MACROH2A1: variants seen among roughly 807,000 people sequenced by gnomAD.
MACROH2A1 encodes core histone macro-H2A.1.
Under a neutral mutation model 31.6 loss-of-function variants are expected in MACROH2A1, and 2 were observed. That is an observed-to-expected ratio of 0.06 (90% CI 0.03 to 0.20). The LOEUF (loss-of-function observed/expected upper bound fraction) is 0.20. Ranked by LOEUF, MACROH2A1 falls within the 10% of genes least tolerant of loss-of-function variation. The pLI is 1.00. For missense variants in MACROH2A1, 230 were observed against 474.0 expected, an observed-to-expected ratio of 0.49 and a Z score of 4.78; for synonymous variants, 169 against 189.6, an observed-to-expected ratio of 0.89 and a Z score of 0.89.
chr5:135,377,846 T>C lies in MACROH2A1; in HGVS notation c.173-7704A>G, dbSNP rs912885365. Among the ~76,000 whole-genome samples the C allele has an allele frequency of 3.9e-5, 6 of 152,336 alleles. No individual in the cohort carries two copies. The East Asian group carries it at 1.2e-3, about 29-fold the overall frequency. ...AGACACTCTGTCCCAGCCTGCTTAA[T>C]CCTGCTTCTCCCAAAAAATGGTTCT... On this transcript the variant is annotated intron_variant, in intron 2 of 8. Coordinates refer to ENST00000511689, the MANE Select transcript of MACROH2A1 (RefSeq NM_138610.3).
intron 5 of MACROH2A1, chr5:135,359,231 AC>A: frequency 1.0e-6 from 1 of 985,254 alleles, no homozygotes; most frequent in Non-Finnish European, 1.2e-6. Context: ...GGAGAAGGTG[AC>A]CCCAAGGGCT....
chr5:135,375,438 A>G (rs1764733322), intron 2 of MACROH2A1, among the ~76,000 whole-genome samples: 2 of 152,232 alleles, frequency 1.3e-5, no homozygotes, highest in South Asian at 4.1e-4. Context: ...TTGCAAGTCC[A>G]CCCAGAGACG....
At chr5:135,373,405 T>G (rs1764442353) in intron 2 of MACROH2A1, among the ~76,000 whole-genome samples, 2 of 152,302 alleles carry the variant, frequency 1.3e-5, no homozygotes, top group Admixed American at 1.3e-4. Flanking sequence ...TTGAGAAACC[T>G]GAAAATGGAT....
chr5:135,361,066 T>G (rs1762784442), intron 4 of MACROH2A1: 1 of 287,560 alleles, frequency 3.5e-6, no homozygotes, highest in African/African-American at 2.3e-5. Context: ...AAGGTCAGAC[T>G]CGCTTCCACC....
At chr5:135,376,230 C>T (rs894175584) in intron 2 of MACROH2A1, among the ~76,000 whole-genome samples, 1 of 152,122 alleles carries the variant, frequency 6.6e-6, no homozygotes, top group African/African-American at 2.4e-5. Flanking sequence ...GTTAAGCCCA[C>T]TGCAGACTCC....
chr5:135,372,899 A>G (rs987518292), intron 2 of MACROH2A1, among the ~76,000 whole-genome samples: 2 of 152,184 alleles, frequency 1.3e-5, no homozygotes, highest in African/African-American at 4.8e-5. Flanking sequence ...GGAGGCCACA[A>G]CGAAGTTTTG....
intron 2 of MACROH2A1, among the ~76,000 whole-genome samples, chr5:135,384,059 T>C (rs1766059209): frequency 6.6e-6 from 1 of 152,164 alleles, no homozygotes; most frequent in Admixed American, 6.5e-5. Context: ...TTGGGACTTA[T>C]TTTCAAGGTA....
intron 5 of MACROH2A1, chr5:135,359,301 A>G (rs1218341783): frequency 1.0e-6 from 1 of 985,268 alleles, no homozygotes; most frequent in Non-Finnish European, 1.2e-6. Flanking sequence ...CTTTCAATAC[A>G]TTACCCAAGG....
Position 135,340,064 on chromosome 5 carries a change from G to GC in MACROH2A1, c.953+3195dup, listed in dbSNP as rs563643904. Among the ~76,000 whole-genome samples, 97 of 152,284 alleles carry GC rather than the reference G, an allele frequency of 6.4e-4. 1 individual carries two copies. In the East Asian group the frequency reaches 0.018, roughly 29 times the overall value. On this transcript the variant is annotated intron_variant, in intron 8 of 8. Transcript: ENST00000511689. ...GTAGTGTTTTATGCACAGAGAGTACGCAGGCAGGGGGCAGTCCTATGGTGG... is the reference window on the plus strand; with the variant it reads ...GTAGTGTTTTATGCACAGAGAGTACGCCAGGCAGGGGGCAGTCCTATGGTGG...
intron 8 of MACROH2A1, among the ~76,000 whole-genome samples, chr5:135,342,175 G>T (rs1042058932): frequency 2.6e-5 from 4 of 152,244 alleles, no homozygotes; most frequent in African/African-American, 9.6e-5. Flanking sequence ...CTAGCAATGG[G>T]CAGTGGGACA....
At chr5:135,372,211 C>A (rs956613033) in intron 2 of MACROH2A1, among the ~76,000 whole-genome samples, 1 of 152,198 alleles carries the variant, frequency 6.6e-6, no homozygotes, top group African/African-American at 2.4e-5. Flanking sequence ...TGTTCCCAGG[C>A]CTGCAGGGCT....
At chr5:135,353,122 A>G (rs1761775303) in intron 5 of MACROH2A1, 77 bp from the exon 6 acceptor site, 3 of 911,922 alleles carry the variant, frequency 3.3e-6, no homozygotes, top group Non-Finnish European at 3.7e-6. Context: ...GATACAGGTA[A>G]AGGACAGTGG....
Position 135,398,065 on chromosome 5 carries a change from C to G in MACROH2A1, c.-34+997G>C, listed in dbSNP as rs1270202699. Among the ~76,000 whole-genome samples the G allele has an allele frequency of 6.6e-6, 1 of 152,198 alleles. No individual in the cohort carries two copies. On this transcript the variant is annotated intron_variant, in intron 1 of 8. Transcript: ENST00000511689. This position sits in a 1 kb window ranked among gnomAD's most constrained non-coding sequence, Gnocchi z 4.6. The stretch of plus-strand genomic sequence containing the variant: ...TTATAGTCATTGTAATTGTTGAATT[C>G]AAGGTTTGTCCCAGTTGTTTGTACA...
intron 2 of MACROH2A1, among the ~76,000 whole-genome samples, chr5:135,383,057 C>A (rs1765868822): frequency 6.6e-6 from 1 of 152,242 alleles, no homozygotes; most frequent in African/African-American, 2.4e-5. Flanking sequence ...AGTCTCAAAC[C>A]CTGAGGCCTG....
At chr5:135,363,673 A>T (rs1383015566) in intron 4 of MACROH2A1, among the ~76,000 whole-genome samples, 5 of 152,122 alleles carry the variant, frequency 3.3e-5, no homozygotes, top group Non-Finnish European at 5.9e-5. Flanking sequence ...ATGATTTATA[A>T]CCCTTTGGGT....
chr5:135,340,415 A>AAACTTCCTTTT (rs1759619664), intron 8 of MACROH2A1, among the ~76,000 whole-genome samples: 1 of 152,218 alleles, frequency 6.6e-6, no homozygotes, highest in Non-Finnish European at 1.5e-5. Context: ...AAATCTAAGG[A>AAACTTCCTTTT]AAGTTTAATC....
At chr5:135,377,858 C>CA (rs1013427506) in intron 2 of MACROH2A1, among the ~76,000 whole-genome samples, 1 of 152,032 alleles carries the variant, frequency 6.6e-6, no homozygotes, top group Non-Finnish European at 1.5e-5. Flanking sequence ...CTGCTTCTCC[C>CA]AAAAAATGGT....
At chr5:135,366,959 T>C (rs1763582009) in intron 4 of MACROH2A1, among the ~76,000 whole-genome samples, 1 of 152,184 alleles carries the variant, frequency 6.6e-6, no homozygotes, top group Non-Finnish European at 1.5e-5. Context: ...GTGCAGTTTG[T>C]TGCCTTCTCC....
intron 8 of MACROH2A1, among the ~76,000 whole-genome samples, chr5:135,336,239 C>T (rs574230818): frequency 2.6e-5 from 4 of 152,338 alleles, no homozygotes; most frequent in Non-Finnish European, 5.9e-5. Flanking sequence ...CATGCCTGTG[C>T]ACTCTGAACC....
Sources: gnomAD v4.1 joint callset for allele counts (sites outside exome capture counted in the v4.1 genomes callset) on GRCh38, gnomAD v4.1.1 for gene constraint, Gnocchi (gnomAD v3.1) non-coding constraint, MANE v1.5 for transcripts, NCBI Gene and HGNC (gene_info 2026-07-23, HGNC 2026-07-21) for gene names.